The following HADHB variants were observed in gnomAD, a reference collection of about 807,000 sequenced individuals.
HADHB encodes the protein trifunctional enzyme subunit beta, mitochondrial.
HADHB carries 50 observed loss-of-function variants against 61.9 expected under a neutral mutation model. The ratio of observed to expected loss-of-function variants is 0.81; its 90% CI spans 0.64 to 1.02. The LOEUF is 1.02. Ranked by LOEUF, HADHB falls within the 50% of genes least tolerant of loss-of-function variation. The pLI is 0.00. For synonymous variants in HADHB, 191 were observed against 201.6 expected (o/e 0.95, Z 0.45); for missense variants, 504 against 586.5 (o/e 0.86, Z 1.45).
chr2:26,285,408 T>C lies in HADHB; in HGVS notation c.1226T>C (p.Val409Ala). The C allele has an allele frequency of 6.2e-6, 10 of 1,613,246 alleles. No homozygotes were observed. Among genetic ancestry groups the C allele is most frequent in the Non-Finnish European group, 8.5e-6 (10 of 1,179,284 alleles). Residue 409 changes from valine (V) to alanine (A), a missense_variant and splice_region_variant, in exon 15 of 16, where the codon GTT (valine) becomes GCT (alanine). Physicochemically the swap from Val to Ala is moderately conservative, Grantham distance 64. Coordinates refer to ENST00000317799, the MANE Select transcript of HADHB (RefSeq NM_000183.3). ...CATTTGTGTCTTTGGGGGAGCCAGGTTGGATTGCCTCCTTTGGAGAAGTTT... is the reference window on the plus strand; with the variant it reads ...CATTTGTGTCTTTGGGGGAGCCAGGCTGGATTGCCTCCTTTGGAGAAGTTT... ...AENYMGRKTK[V>A]GLPPLEKFNN...
At chr2:26,284,081 T>A (rs752321052) in intron 12 of HADHB, 36 bp from the exon 13 acceptor site, 4 of 1,167,120 alleles carry the variant, frequency 3.4e-6, no homozygotes, top group Non-Finnish European at 5.2e-6. Flanking sequence ...GTTTAAAAAT[T>A]AAAGTTTTAA....
chr2:26,273,100 A>AT (rs542723779), intron 5 of HADHB, among the ~76,000 whole-genome samples: 322 of 151,904 alleles, frequency 2.1e-3, no homozygotes, highest in Non-Finnish European at 3.5e-3. Flanking sequence ...AAAAAAAAAA[A>AT]GGAAACCAAG....
At chr2:26,284,995 AG>A (rs760069654) in intron 14 of HADHB, 38 bp downstream of exon 14, 1 of 1,002,354 alleles carries the variant, frequency 1.0e-6, no homozygotes, top group South Asian at 1.3e-5. Flanking sequence ...GAATTTTCAA[AG>A]CACGTTAATA....
rs576721413 is a variant in HADHB, at chr2:26,289,863, A to G, written c.1390-55A>G. ...TCTCCTTGTTCTCTGCTGTCCCTGTACTAGGTGGATTCATCACCATTCATT... is the reference window on the plus strand; with the variant it reads ...TCTCCTTGTTCTCTGCTGTCCCTGTGCTAGGTGGATTCATCACCATTCATT... On this transcript the variant is annotated intron_variant, in intron 15 of 15. Transcript: ENST00000317799. 7.4e-5 allele frequency: 87 copies of G among 1,170,002 alleles called. No individual in the cohort carries two copies. In the African/African-American group the frequency reaches 1.1e-3, roughly 15 times the overall value. The allele number at this position is 1,170,002 out of a possible 1,614,324, so 72.5% of individuals were successfully genotyped here. A position where few individuals can be genotyped will look rare whatever the true frequency, so the allele number is the denominator to read the frequency against.
chr2:26,281,150 A>G (rs1206953968), intron 10 of HADHB, among the ~76,000 whole-genome samples: 2 of 141,616 alleles, frequency 1.4e-5, no homozygotes, highest in Non-Finnish European at 3.2e-5. Context: ...ACTTATCAAC[A>G]TGTAGCTTCA....
Position 26,262,532 on chromosome 2 carries a change from A to T in HADHB, c.110-848A>T, listed in dbSNP as rs565659566. Among the ~76,000 whole-genome samples, 29 of 152,052 alleles carry T rather than the reference A, an allele frequency of 1.9e-4. No homozygotes were observed. The East Asian group carries it at 2.5e-3, about 13-fold the overall frequency. ...CATAGTTCAGTATTATTTACTTTTT[A>T]AAAAAAACCATAGGCACACATTTAT... On this transcript the variant is annotated intron_variant, in intron 3 of 15. Coordinates refer to ENST00000317799, the MANE Select transcript of HADHB (RefSeq NM_000183.3).
rs1178713951 is a variant in HADHB at position 26,252,087 on chromosome 2, A to T, written c.-8-2160A>T. On this transcript the variant is annotated intron_variant, in intron 1 of 15. Transcript: ENST00000317799. Reference sequence around the variant, plus strand: ...TGGCAAGAGGCATCAGTTCCTCACCACAGGAGCCTCTTCATAAGGCTGCTC... The same window carrying T: ...TGGCAAGAGGCATCAGTTCCTCACCTCAGGAGCCTCTTCATAAGGCTGCTC... Among the ~76,000 whole-genome samples, 2 of 152,170 alleles carry T rather than the reference A, an allele frequency of 1.3e-5. 1 individual carries two copies. The highest frequency in any genetic ancestry group is 1.3e-4 in the Admixed American group (2 of 15,282).
chr2:26,263,517 T>C, intron 4 of HADHB, 38 bp downstream of exon 4: 1 of 1,243,608 alleles, frequency 8.0e-7, no homozygotes, highest in Non-Finnish European at 1.2e-6. Flanking sequence ...TTTCCTTCTT[T>C]TAAGACACTT....
chr2:26,260,771 G>GC, intron 3 of HADHB: 1 of 520,428 alleles, frequency 1.9e-6, no homozygotes, highest in East Asian at 3.2e-5. Flanking sequence ...AGCTCTAGGG[G>GC]CCAGCTACTT....
chr2:26,286,332 T>C (rs1291627048), intron 15 of HADHB, among the ~76,000 whole-genome samples: 1 of 152,210 alleles, frequency 6.6e-6, no homozygotes, highest in Non-Finnish European at 1.5e-5. Flanking sequence ...GAATTATACC[T>C]TAACTGGGGA....
At chr2:26,280,497 G>A (rs951314728) in intron 10 of HADHB, among the ~76,000 whole-genome samples, 2 of 152,184 alleles carry the variant, frequency 1.3e-5, no homozygotes, top group Admixed American at 6.6e-5. Context: ...CTTCTTGGAA[G>A]AGGTAACACT....
Position 26,282,983 on chromosome 2 carries a change from CCTCT to C in HADHB, c.1014-18_1014-15del. 1 of 1,604,948 alleles carries C rather than the reference CCTCT, an allele frequency of 6.2e-7. No individual in the cohort carries two copies. Among genetic ancestry groups the C allele is most frequent in the Non-Finnish European group, 8.5e-7 (1 of 1,171,662 alleles). ...TTCTTTATTTTATTACCAAAGCTCACCTCTCTATTTTTTTACCTAGGGATTTTAT... is the reference window on the plus strand; with the variant it reads ...TTCTTTATTTTATTACCAAAGCTCACCTATTTTTTTACCTAGGGATTTTAT... On this transcript the variant is annotated splice_polypyrimidine_tract_variant and intron_variant, in intron 11 of 15. Coordinates refer to ENST00000317799, the MANE Select transcript of HADHB (RefSeq NM_000183.3).
chr2:26,273,384 T>A (rs1403954132), intron 5 of HADHB, among the ~76,000 whole-genome samples: 1 of 152,202 alleles, frequency 6.6e-6, no homozygotes. Context: ...ATAGGTTTCT[T>A]ATCTATTTTA....
intron 13 of HADHB, 105 bp from the exon 14 acceptor site, chr2:26,284,778 C>A: frequency 1.3e-6 from 1 of 781,940 alleles, no homozygotes; most frequent in Non-Finnish European, 2.3e-6. Flanking sequence ...ATTTGTTCAA[C>A]TTTAAACCAT....
intron 4 of HADHB, among the ~76,000 whole-genome samples, chr2:26,265,715 A>C (rs1415556782): frequency 6.6e-6 from 1 of 152,226 alleles, no homozygotes; most frequent in Non-Finnish European, 1.5e-5. Flanking sequence ...TATTTACCAA[A>C]TTGGCATAGG....
At position 26,258,503 on chromosome 2, in the gene HADHB, G is replaced by A. The variant is rs1230188182; in HGVS notation, c.109+4029G>A. On this transcript the variant is annotated intron_variant, in intron 3 of 15. Coordinates refer to ENST00000317799, the MANE Select transcript of HADHB (RefSeq NM_000183.3). ...CTAGCCCAAACAGGAATGGCACTGG[G>A]TGCCTCGCTGGATCAGAAACGCAGC... Among the ~76,000 whole-genome samples, 12 of 152,356 alleles carry A rather than the reference G, an allele frequency of 7.9e-5. No homozygotes were observed. In the East Asian group the frequency reaches 2.3e-3, roughly 29 times the overall value.
At chr2:26,264,811 G>A (rs1446310629) in intron 4 of HADHB, among the ~76,000 whole-genome samples, 2 of 151,684 alleles carry the variant, frequency 1.3e-5, no homozygotes, top group East Asian at 3.9e-4. Context: ...GGAGTTCATG[G>A]CAAAACCCTG....
chr2:26,277,690 C>T (rs971674125), intron 7 of HADHB, among the ~76,000 whole-genome samples: 2 of 152,094 alleles, frequency 1.3e-5, no homozygotes, highest in Non-Finnish European at 2.9e-5. Context: ...TGGCGTGGTT[C>T]CTCTGTGAAT....
At chr2:26,288,962 C>T (rs1673153376) in intron 15 of HADHB, among the ~76,000 whole-genome samples, 1 of 152,050 alleles carries the variant, frequency 6.6e-6, no homozygotes, top group South Asian at 2.1e-4. Context: ...AAAAGATATT[C>T]TACTTCTGGC....
Sources: gnomAD v4.1 joint callset for allele counts (sites outside exome capture counted in the v4.1 genomes callset) on GRCh38, gnomAD v4.1.1 for gene constraint, MANE v1.5 for transcripts, NCBI Gene and HGNC (gene_info 2026-07-23, HGNC 2026-07-21) for gene names.